The following RB1CC1 variants were observed in gnomAD, a reference collection of about 807,000 sequenced individuals.
The protein encoded by RB1CC1 is RB1 inducible coiled-coil 1.
Under a neutral mutation model 177.5 loss-of-function variants are expected in RB1CC1, and 46 were observed. The observed-to-expected ratio is 0.26, with a 90% confidence interval of 0.20 to 0.33. RB1CC1 has a LOEUF of 0.33. Among genes scored for constraint, RB1CC1 ranks in the 10% least tolerant of loss-of-function variants. The pLI is 1.00. For synonymous variants in RB1CC1, 666 were observed against 613.6 expected (o/e 1.09, Z -1.26); for missense variants, 1,703 against 1,816.3 (o/e 0.94, Z 1.13).
chr8:52,649,448 T>C (rs183809476), intron 15 of RB1CC1, among the ~76,000 whole-genome samples: 1 of 152,176 alleles, frequency 6.6e-6, no homozygotes, highest in Non-Finnish European at 1.5e-5. Flanking sequence ...ACATTGAACA[T>C]AAACTAGATT....
At chr8:52,633,952 C>A (rs2150386386) in intron 20 of RB1CC1, among the ~76,000 whole-genome samples, 1 of 151,284 alleles carries the variant, frequency 6.6e-6, no homozygotes, top group East Asian at 1.9e-4. Flanking sequence ...AACCTAAAAC[C>A]AAAACAAAAC....
chr8:52,705,614 G>GTA (rs1318258142), intron 1 of RB1CC1, among the ~76,000 whole-genome samples: 2 of 152,088 alleles, frequency 1.3e-5, no homozygotes, highest in Non-Finnish European at 2.9e-5. Flanking sequence ...GTGTACAAAG[G>GTA]TATATATATG....
At chr8:52,642,298 T>C in intron 18 of RB1CC1, 53 bp downstream of exon 18, 1 of 1,573,286 alleles carries the variant, frequency 6.4e-7, no homozygotes, top group East Asian at 2.3e-5. Context: ...CAGAGCTTTA[T>C]AACTCATGGA....
chr8:52,642,824 GAAT>G lies in RB1CC1; in HGVS notation c.3988-15_3988-13del, dbSNP rs773456243. On this transcript the variant is annotated splice_polypyrimidine_tract_variant and intron_variant, in intron 16 of 23. Transcript: ENST00000025008. ...GTGTTAAAATTGGTCTGGAACAAGA[GAAT>G]AATTATTTAAATTTATCTACATGTA... The G allele has an allele frequency of 4.7e-5, 72 of 1,520,808 alleles. No homozygotes were observed. The South Asian group carries it at 9.3e-4, about 20-fold the overall frequency. The allele number at this position is 1,520,808 out of a possible 1,614,324, so 94.2% of individuals were successfully genotyped here.
At chr8:52,641,459 A>G (rs566735924) in intron 18 of RB1CC1, among the ~76,000 whole-genome samples, 3 of 152,106 alleles carry the variant, frequency 2.0e-5, no homozygotes, top group South Asian at 2.1e-4. Flanking sequence ...CTGGTGTATC[A>G]TAACTGTTGT....
At chr8:52,650,422 G>A (rs965515813) in intron 15 of RB1CC1, among the ~76,000 whole-genome samples, 7 of 152,170 alleles carry the variant, frequency 4.6e-5, no homozygotes, top group Non-Finnish European at 1.0e-4. Flanking sequence ...GACAACTGAC[G>A]AAAGTCTTCA....
intron 18 of RB1CC1, among the ~76,000 whole-genome samples, chr8:52,640,830 C>T (rs1849511016): frequency 6.6e-6 from 1 of 151,980 alleles, no homozygotes; most frequent in Admixed American, 6.6e-5. Flanking sequence ...CATTCTTAAG[C>T]CTTATACCTT....
At position 52,657,615 on chromosome 8, in the gene RB1CC1, C is replaced by A. The variant is rs1272980382; in HGVS notation, c.2214G>T (p.Glu738Asp). The stretch of plus-strand genomic sequence containing the variant: ...ACGACAAATTTTCTTCTATTACAAA[C>A]TCATTCACAGCAGACATAAAATCTG... ...PESDFMSAVNEFVIEENLSSP... is the reference protein window; with the variant it reads ...PESDFMSAVNDFVIEENLSSP... Residue 738 changes from glutamate to aspartate, a missense_variant, in exon 15 of 24, where the codon GAG becomes GAT. Physicochemically the swap from Glu to Asp is conservative, Grantham distance 45. Transcript: ENST00000025008. The A allele has an allele frequency of 6.2e-7, 1 of 1,614,100 alleles. No individual in the cohort carries two copies.
At chr8:52,684,047 T>A in intron 3 of RB1CC1, 34 bp from the exon 4 acceptor site, 1 of 1,588,842 alleles carries the variant, frequency 6.3e-7, no homozygotes, top group Non-Finnish European at 8.6e-7. Flanking sequence ...ATCAGTTGTT[T>A]ATATTTGCCC....
In RB1CC1 at chr8:52,656,965, C is replaced by T. The variant is rs1429726848; in HGVS notation, c.2864G>A (p.Arg955Gln). ...NCEIKELKQSREIVLEDLKKL... is the reference protein window; with the variant it reads ...NCEIKELKQSQEIVLEDLKKL... ...TTTTAAGTCTTCTAACACTATTTCT[C>T]GTGACTGCTTCAGTTCTTTAATTTC... Residue 955 changes from arginine (R) to glutamine (Q), a missense_variant, in exon 15 of 24, where the codon CGA becomes CAA. By Grantham distance (43) the Arg-to-Gln change is conservative. Transcript: ENST00000025008. 3.7e-6 allele frequency: 6 copies of T among 1,613,488 alleles called. No homozygotes were observed. The highest frequency in any genetic ancestry group is 1.7e-5 in the Admixed American group (1 of 59,974).
At chr8:52,676,003 G>T (rs1853092191) in intron 6 of RB1CC1, among the ~76,000 whole-genome samples, 2 of 151,294 alleles carry the variant, frequency 1.3e-5, no homozygotes. Flanking sequence ...TTCCTCCATT[G>T]TCCAGTGTTT....
At chr8:52,671,975 G>A (rs1852645266) in intron 7 of RB1CC1, among the ~76,000 whole-genome samples, 1 of 152,104 alleles carries the variant, frequency 6.6e-6, no homozygotes. Flanking sequence ...ATACAAGTTT[G>A]TATTTTGCTT....
chr8:52,685,341 C>G, intron 3 of RB1CC1, 58 bp downstream of exon 3: 1 of 1,279,572 alleles, frequency 7.8e-7, no homozygotes, highest in Non-Finnish European at 1.1e-6. Context: ...AATAATATTT[C>G]TTTAACTTTC....
At chr8:52,649,441 T>C (rs1850366988) in intron 15 of RB1CC1, among the ~76,000 whole-genome samples, 1 of 152,170 alleles carries the variant, frequency 6.6e-6, no homozygotes, top group Admixed American at 6.6e-5. Flanking sequence ...AAAATTTACA[T>C]TGAACATAAA....
intron 1 of RB1CC1, among the ~76,000 whole-genome samples, chr8:52,694,123 AC>A (rs1462693375): frequency 1.3e-5 from 2 of 152,132 alleles, no homozygotes; most frequent in African/African-American, 4.8e-5. Context: ...ACAGACAGCT[AC>A]CCCTTTGCAT....
intron 1 of RB1CC1, among the ~76,000 whole-genome samples, chr8:52,689,581 T>C (rs1286662221): frequency 6.6e-6 from 1 of 152,184 alleles, no homozygotes; most frequent in East Asian, 1.9e-4. Context: ...AAATGCTTTA[T>C]TAAATGACAA....
intron 1 of RB1CC1, among the ~76,000 whole-genome samples, chr8:52,699,616 C>T (rs1172104855): frequency 3.4e-5 from 5 of 146,868 alleles, no homozygotes; most frequent in Non-Finnish European, 7.5e-5. Context: ...CAAGACCAGC[C>T]TGGCCAACAT....
intron 8 of RB1CC1, among the ~76,000 whole-genome samples, chr8:52,663,816 T>G (rs1046359927): frequency 6.6e-6 from 1 of 152,168 alleles, no homozygotes; most frequent in African/African-American, 2.4e-5. Flanking sequence ...AATTCTCATT[T>G]TATTAAGTAT....
At chr8:52,643,644 G>A (rs565760808) in intron 16 of RB1CC1, among the ~76,000 whole-genome samples, 1 of 140,410 alleles carries the variant, frequency 7.1e-6, no homozygotes, top group Admixed American at 7.5e-5. Context: ...TGCCATGATT[G>A]CACCACTGAA....
Sources: gnomAD v4.1 joint callset for allele counts (sites outside exome capture counted in the v4.1 genomes callset) on GRCh38, gnomAD v4.1.1 for gene constraint, MANE v1.5 for transcripts, NCBI Gene and HGNC (gene_info 2026-07-23, HGNC 2026-07-21) for gene names.